Variants in ADAM12 observed in about 807,000 individuals in gnomAD.
ADAM12 encodes ADAM metallopeptidase domain 12.
In ADAM12, 70 loss-of-function variants were observed where a neutral mutation model predicts 106.4. That is an observed-to-expected ratio of 0.66 (90% confidence interval 0.54 to 0.80). The LOEUF (loss-of-function observed/expected upper bound fraction) is 0.80, where lower values mean the gene tolerates loss of function less well. Ranked by LOEUF, ADAM12 falls within the 30% of genes least tolerant of loss-of-function variation. ADAM12 has a pLI of 0.00. For synonymous variants in ADAM12, 420 were observed against 433.5 expected, an observed-to-expected ratio of 0.97 and a Z score of 0.39; for missense variants, 1,010 against 1,171.9, an observed-to-expected ratio of 0.86 and a Z score of 2.02.
chr10:126,305,226 A>G (rs1960793149), intron 2 of ADAM12, among the ~76,000 whole-genome samples: 2 of 152,204 alleles, frequency 1.3e-5, no homozygotes, highest in Non-Finnish European at 2.9e-5. Flanking sequence ...ATATCCATCA[A>G]CAGGGGAATG....
At chr10:126,249,509 C>T (rs924701778) in intron 3 of ADAM12, among the ~76,000 whole-genome samples, 2 of 152,320 alleles carry the variant, frequency 1.3e-5, no homozygotes, top group Admixed American at 1.3e-4. Context: ...ACCATCCTGG[C>T]TAACACCGTG....
At chr10:126,226,560 G>A (rs747946356) in intron 3 of ADAM12, among the ~76,000 whole-genome samples, 5 of 152,158 alleles carry the variant, frequency 3.3e-5, no homozygotes, top group African/African-American at 9.7e-5. Context: ...CTCTGCCTCC[G>A]GCCAGCTGAG....
chr10:126,141,858 T>G (rs1234108894), intron 4 of ADAM12, among the ~76,000 whole-genome samples: 1 of 152,234 alleles, frequency 6.6e-6, no homozygotes, highest in Non-Finnish European at 1.5e-5. Flanking sequence ...CTCCTTGCCC[T>G]ATGCAATGAG....
chr10:126,327,195 T>C (rs754161654), intron 2 of ADAM12, among the ~76,000 whole-genome samples: 1 of 152,168 alleles, frequency 6.6e-6, no homozygotes, highest in African/African-American at 2.4e-5. Flanking sequence ...GTGCCTTTCA[T>C]GCCAAGCCTA....
intron 14 of ADAM12, among the ~76,000 whole-genome samples, chr10:126,050,321 G>T (rs1321520529): frequency 6.6e-6 from 1 of 152,122 alleles, no homozygotes; most frequent in Non-Finnish European, 1.5e-5. Context: ...GCTCAGAAAT[G>T]GCCATTTTTA....
intron 3 of ADAM12, among the ~76,000 whole-genome samples, chr10:126,165,231 G>A (rs1340980174): frequency 1.3e-5 from 2 of 152,022 alleles, no homozygotes; most frequent in Non-Finnish European, 2.9e-5. Flanking sequence ...GCAGTGGTGC[G>A]ATCCCGGCTC....
intron 2 of ADAM12, among the ~76,000 whole-genome samples, chr10:126,296,865 A>G (rs1331335169): frequency 6.6e-6 from 1 of 152,154 alleles, no homozygotes; most frequent in Non-Finnish European, 1.5e-5. Context: ...TTTTCATTTT[A>G]CCTAACAACT....
At chr10:126,174,040 A>G (rs1448797300) in intron 3 of ADAM12, among the ~76,000 whole-genome samples, 2 of 87,124 alleles carry the variant, frequency 2.3e-5, no homozygotes, top group Admixed American at 3.2e-4. Context: ...TTTTTTTGAG[A>G]TAGAGTCTCA....
intron 3 of ADAM12, among the ~76,000 whole-genome samples, chr10:126,175,950 C>G (rs773346360): frequency 6.6e-6 from 1 of 152,172 alleles, no homozygotes; most frequent in South Asian, 2.1e-4. Flanking sequence ...ATATGGGTCT[C>G]GTAAGGTCTC....
intron 1 of ADAM12, among the ~76,000 whole-genome samples, chr10:126,383,310 C>A (rs376877402): frequency 6.6e-6 from 1 of 151,702 alleles, no homozygotes; most frequent in African/African-American, 2.4e-5. Context: ...AAATAACTGT[C>A]CCAGAAAGTA....
At position 126,057,288 on chromosome 10, in the gene ADAM12, C is replaced by T. The variant is rs1343789749; in HGVS notation, c.1609+7518G>A. 2.5e-5 allele frequency among the ~76,000 whole-genome samples: 2 copies of T among 79,846 alleles called. 1 individual carries two copies. The highest frequency in any genetic ancestry group is 5.3e-5 in the Non-Finnish European group (2 of 37,920). 52.4% of individuals were successfully genotyped at this position (79,846 alleles called of 152,430 possible). On this transcript the variant is annotated intron_variant, in intron 14 of 22. Coordinates refer to ENST00000448723, the MANE Select transcript of ADAM12 (RefSeq NM_001288973.2). The stretch of plus-strand genomic sequence containing the variant: ...CTAGATGACACGTTAGTGGGTGCAG[C>T]GCACCAGCATGGCACATGTATACAT...
chr10:126,215,278 G>T (rs1177490926), intron 3 of ADAM12, among the ~76,000 whole-genome samples: 4 of 152,188 alleles, frequency 2.6e-5, no homozygotes, highest in Non-Finnish European at 5.9e-5. Context: ...TACTGACAGG[G>T]GTGGTGGGGG....
chr10:126,192,103 T>G (rs967736713), intron 3 of ADAM12, among the ~76,000 whole-genome samples: 2 of 152,108 alleles, frequency 1.3e-5, no homozygotes, highest in Non-Finnish European at 2.9e-5. Flanking sequence ...CACCTCCAAG[T>G]TGGGGATTAC....
In ADAM12 at chr10:126,053,259, C is replaced by A. The variant is rs1469357680; in HGVS notation, c.1610-3590G>T. On this transcript the variant is annotated intron_variant, in intron 14 of 22. Transcript: ENST00000448723. The surrounding 1 kb of genome is among the most constrained non-coding windows in gnomAD (Gnocchi z 4.6). ...CTGCAGAACCAAGAACCAATTAAACCTTTTTTCTTTATAAATTACCCAGTC... is the reference window on the plus strand; with the variant it reads ...CTGCAGAACCAAGAACCAATTAAACATTTTTTCTTTATAAATTACCCAGTC... Among the ~76,000 whole-genome samples the A allele has an allele frequency of 6.6e-6, 1 of 152,106 alleles. No homozygotes were observed. The highest frequency in any genetic ancestry group is 2.4e-5 in the African/African-American group (1 of 41,430).
intron 3 of ADAM12, among the ~76,000 whole-genome samples, chr10:126,200,996 AGG>A (rs1446787490): frequency 1.3e-5 from 2 of 152,132 alleles, no homozygotes; most frequent in African/African-American, 4.8e-5. Flanking sequence ...CTCATATGGG[AGG>A]TAATAGGACG....
In ADAM12 at chr10:126,049,743, A is replaced by G. The variant is rs1262971343; in HGVS notation, c.1610-74T>C. 6 of 1,321,810 alleles carry G rather than the reference A, an allele frequency of 4.5e-6. No homozygotes were observed. The South Asian group carries it at 5.0e-5, about 11-fold the overall frequency. The allele number at this position is 1,321,810 out of a possible 1,614,324, so 81.9% of individuals were successfully genotyped here. ...TTTTTTCATGGCTGTAGGCCTCTCA[A>G]ATGGTTACGGGGAGACGTGCTCAAA... On this transcript the variant is annotated intron_variant, in intron 14 of 22. Coordinates refer to ENST00000448723, the MANE Select transcript of ADAM12 (RefSeq NM_001288973.2). The surrounding 1 kb of genome is among the most constrained non-coding windows in gnomAD (Gnocchi z 4.4).
At chr10:126,188,898 A>G (rs555904310) in intron 3 of ADAM12, among the ~76,000 whole-genome samples, 27 of 152,002 alleles carry the variant, frequency 1.8e-4, no homozygotes, top group African/African-American at 6.3e-4. Context: ...TCATTCATCT[A>G]TCTGTCCATC....
chr10:126,384,971 C>A (rs1856611908), intron 1 of ADAM12, among the ~76,000 whole-genome samples: 1 of 152,232 alleles, frequency 6.6e-6, no homozygotes, highest in African/African-American at 2.4e-5. Flanking sequence ...TACTTCTGAC[C>A]AACTAGCTAT....
At chr10:126,181,647 G>T (rs769229558) in intron 3 of ADAM12, among the ~76,000 whole-genome samples, 1 of 152,110 alleles carries the variant, frequency 6.6e-6, no homozygotes, top group Non-Finnish European at 1.5e-5. Flanking sequence ...TGAAACAAGC[G>T]AATGAAAGAA....
Sources: allele counts gnomAD v4.1 joint callset (sites outside exome capture counted in the v4.1 genomes callset), GRCh38; gene constraint gnomAD v4.1.1; non-coding constraint Gnocchi (gnomAD v3.1); transcripts MANE v1.5; gene names NCBI Gene and HGNC (gene_info 2026-07-23, HGNC 2026-07-21).